HSPA12A: variants seen among roughly 807,000 people sequenced by gnomAD.
HSPA12A encodes the protein heat shock 70 kDa protein 12A.
In HSPA12A, 28 loss-of-function variants were observed where a neutral mutation model predicts 69.2. The observed-to-expected ratio is 0.40, with a 90% CI of 0.30 to 0.55. The LOEUF (loss-of-function observed/expected upper bound fraction) is 0.55. Ranked by LOEUF, HSPA12A falls within the 20% of genes least tolerant of loss-of-function variation. The probability of loss-of-function intolerance (pLI) is 0.38; values close to 1 mark genes in which losing one functional copy is unlikely to be tolerated. For missense variants in HSPA12A, 686 were observed against 900.7 expected, an observed-to-expected ratio of 0.76 and a Z score of 3.05; for synonymous variants, 345 against 370.5, an observed-to-expected ratio of 0.93 and a Z score of 0.79.
chr10:116,831,832 C>T (rs1446652397), intron 2 of HSPA12A: 1 of 152,216 alleles, frequency 6.6e-6, no homozygotes, highest in African/African-American at 2.4e-5. Context: ...AAATACTCAT[C>T]TTCCTAACCA....
intron 1 of HSPA12A, among the ~76,000 whole-genome samples, chr10:116,847,424 C>T (rs951383491): frequency 1.3e-5 from 2 of 152,154 alleles, no homozygotes; most frequent in Admixed American, 6.5e-5. Flanking sequence ...TTCCTAAAAC[C>T]CCACTTATTT....
intron 1 of HSPA12A, among the ~76,000 whole-genome samples, chr10:116,731,579 G>T (rs1203715839): frequency 2.0e-5 from 3 of 152,236 alleles, no homozygotes; most frequent in Non-Finnish European, 2.9e-5. Flanking sequence ...TTACATGGGA[G>T]AAAGTAATTT....
chr10:116,849,796 ACGCCTTG>A, upstream of HSPA12A: 1 of 1,434,876 alleles, frequency 7.0e-7, no homozygotes, highest in Non-Finnish European at 9.2e-7. Context: ...CGCTGCGGCA[ACGCCTTG>A]CGCCTGCGCC....
intron 2 of HSPA12A, chr10:116,834,931 C>T: frequency 1.6e-6 from 2 of 1,229,184 alleles, no homozygotes; most frequent in Non-Finnish European, 2.0e-6. Context: ...AGTTAATTTC[C>T]TACCTGAAGC....
intron 2 of HSPA12A, among the ~76,000 whole-genome samples, chr10:116,768,885 G>A (rs564754389): frequency 3.9e-5 from 6 of 152,110 alleles, no homozygotes; most frequent in Non-Finnish European, 8.8e-5. Context: ...GGGCCAGCTT[G>A]TTCCTCTGAG....
At chr10:116,797,522 G>A (rs1377630940) in intron 2 of HSPA12A, among the ~76,000 whole-genome samples, 1 of 152,158 alleles carries the variant, frequency 6.6e-6, no homozygotes, top group Non-Finnish European at 1.5e-5. Flanking sequence ...GTTGGCTCAG[G>A]TCACCCAGCA....
At chr10:116,744,226 C>G (rs1335640009), upstream of HSPA12A, among the ~76,000 whole-genome samples, 1 of 152,214 alleles carries the variant, frequency 6.6e-6, no homozygotes, top group African/African-American at 2.4e-5. Context: ...TGAAAATGTG[C>G]TTGATGCCTG....
intron 2 of HSPA12A, among the ~76,000 whole-genome samples, chr10:116,797,957 G>A (rs1621751): frequency 0.86 from 130,140 of 152,008 alleles, 56,818 homozygotes; most frequent in Non-Finnish European, 0.94. Flanking sequence ...ATCCAGCAGA[G>A]GGCACAGTTT....
intron 1 of HSPA12A, among the ~76,000 whole-genome samples, chr10:116,849,230 G>A (rs1282818093): frequency 1.3e-5 from 2 of 152,214 alleles, no homozygotes; most frequent in African/African-American, 4.8e-5. Flanking sequence ...AGGCTGCCGC[G>A]CTCCGGCAAA....
At position 116,686,892 on chromosome 10, in the gene HSPA12A, T is replaced by G. The variant is rs1337004679; in HGVS notation, c.664-2930A>C. On this transcript the variant is annotated intron_variant, in intron 6 of 11. Transcript: ENST00000369209. This position sits in a 1 kb window ranked among gnomAD's most constrained non-coding sequence, Gnocchi z 4.1. The stretch of plus-strand genomic sequence containing the variant: ...CCATAAGCTCCGCCCCTCATCCCTC[T>G]TCCCACACTGTAAGCTCTGCCCCCA... Among the ~76,000 whole-genome samples the G allele has an allele frequency of 3.4e-5, 5 of 146,732 alleles. No individual in the cohort carries two copies. Among genetic ancestry groups the G allele is most frequent in the African/African-American group, 9.9e-5 (4 of 40,204 alleles).
At chr10:116,698,123 G>A (rs1849969285) in intron 5 of HSPA12A, 1 of 152,608 alleles carries the variant, frequency 6.6e-6, no homozygotes, top group African/African-American at 2.4e-5. Flanking sequence ...CAGTGGATGG[G>A]CATGTGGATT....
At position 116,776,261 on chromosome 10, in the gene HSPA12A, C is replaced by T. The variant is rs549387869; in HGVS notation, c.91+58674G>A. Among the ~76,000 whole-genome samples the T allele has an allele frequency of 8.5e-5, 13 of 152,324 alleles. No individual in the cohort carries two copies. The East Asian group carries it at 2.3e-3, about 27-fold the overall frequency. ...CATCTCAGGTCCGTCCGCCTGGACG[C>T]CCCCCTCTGCCTCGGGATTTCGCTC... On this transcript the variant is annotated intron_variant, in intron 2 of 12. Coordinates refer to the HSPA12A transcript ENST00000635765.
chr10:116,730,643 T>C (rs1851121234), intron 1 of HSPA12A, among the ~76,000 whole-genome samples: 2 of 152,266 alleles, frequency 1.3e-5, no homozygotes, highest in Admixed American at 6.5e-5. Flanking sequence ...TTCCATCTGC[T>C]GGGCTCTCTT....
intron 10 of HSPA12A, among the ~76,000 whole-genome samples, chr10:116,678,348 CAAAAAA>C (rs55780024): frequency 1.7e-5 from 1 of 59,382 alleles, no homozygotes; most frequent in Non-Finnish European, 2.8e-5. Context: ...TGCCAACTTG[CAAAAAA>C]AAAAAAAAAA....
chr10:116,796,887 TC>T (rs1338959421), intron 2 of HSPA12A, among the ~76,000 whole-genome samples: 2 of 151,766 alleles, frequency 1.3e-5, no homozygotes, highest in African/African-American at 4.9e-5. Context: ...ATCTGTCATT[TC>T]CAAACCCTCA....
At chr10:116,809,013 C>T (rs1304027719) in intron 2 of HSPA12A, among the ~76,000 whole-genome samples, 1 of 152,172 alleles carries the variant, frequency 6.6e-6, no homozygotes, top group Non-Finnish European at 1.5e-5. Flanking sequence ...CCGCTCCTTC[C>T]TCTTCCTAGA....
intron 4 of HSPA12A, among the ~76,000 whole-genome samples, chr10:116,699,525 C>T (rs3010488): frequency 0.52 from 79,414 of 151,954 alleles, 21,067 homozygotes; most frequent in Middle Eastern, 0.66. Flanking sequence ...TCCAGATTGT[C>T]CCAGGCTGGG....
At chr10:116,739,143 CA>C (rs1332408109) in intron 1 of HSPA12A, among the ~76,000 whole-genome samples, 5 of 152,190 alleles carry the variant, frequency 3.3e-5, no homozygotes, top group African/African-American at 9.6e-5. Context: ...ACATGCCAGG[CA>C]CATGCCAGGA....
At chr10:116,824,609 G>A (rs1302858738) in intron 2 of HSPA12A, among the ~76,000 whole-genome samples, 3 of 152,184 alleles carry the variant, frequency 2.0e-5, no homozygotes, top group Non-Finnish European at 2.9e-5. Flanking sequence ...GCTCACGCCT[G>A]TAATCCCACC....
Sources: allele counts gnomAD v4.1 joint callset (sites outside exome capture counted in the v4.1 genomes callset), GRCh38; gene constraint gnomAD v4.1.1; non-coding constraint Gnocchi (gnomAD v3.1); transcripts MANE v1.5; gene names NCBI Gene and HGNC (gene_info 2026-07-23, HGNC 2026-07-21).